The following MAJIN variants were observed in gnomAD, a reference collection of about 807,000 sequenced individuals.
The protein encoded by MAJIN is membrane-anchored junction protein.
In MAJIN, 27 loss-of-function variants were observed where a neutral mutation model predicts 30.2. The ratio of observed to expected loss-of-function variants is 0.89; its 90% CI spans 0.66 to 1.23. The LOEUF (loss-of-function observed/expected upper bound fraction) is 1.23, where lower values mean the gene tolerates loss of function less well. Ranked by LOEUF, MAJIN falls within the 50% of genes most tolerant of loss-of-function variation. The pLI, the probability that MAJIN is intolerant of heterozygous loss-of-function variation, is 0.00. For missense variants in MAJIN, 253 were observed against 260.3 expected (o/e 0.97, Z 0.19); for synonymous variants, 78 against 91.6 (o/e 0.85, Z 0.85).
chr11:64,959,550 G>A (rs1228556456), intron 2 of MAJIN, 128 bp from the exon 3 acceptor site: 25 of 647,846 alleles, frequency 3.9e-5, no homozygotes, highest in Non-Finnish European at 5.9e-5. Flanking sequence ...TACTGCCTAC[G>A]TACCAGGATC....
intron 3 of MAJIN, among the ~76,000 whole-genome samples, chr11:64,956,079 T>C (rs1237388608): frequency 6.6e-6 from 1 of 152,160 alleles, no homozygotes; most frequent in East Asian, 1.9e-4. Context: ...GGTGGGTGGA[T>C]TACCTGAGGT....
chr11:64,968,502 T>A (rs1341072070), intron 1 of MAJIN, among the ~76,000 whole-genome samples: 1 of 151,558 alleles, frequency 6.6e-6, no homozygotes, highest in Non-Finnish European at 1.5e-5. Flanking sequence ...GCTCAAGTGA[T>A]CTGCCCACCT....
intron 5 of MAJIN, 26 bp downstream of exon 5, chr11:64,950,329 C>CAAAAAAA (rs71049671): frequency 2.6e-5 from 32 of 1,219,236 alleles, no homozygotes; most frequent in Admixed American, 6.0e-5. Context: ...GACTCCATCT[C>CAAAAAAA]AAAAAAAAAA....
rs1554970962 is a variant in MAJIN, at chr11:64,948,602, CATATATATATATATATAT to C, written c.350-801_350-784del. On this transcript the variant is annotated intron_variant, in intron 6 of 10. Transcript: ENST00000301896. ...GCACCACCACCATGTCGGGCTACAT[CATATATATATATATATAT>C]ATATATATATATATATATATTTTTT... is the stretch of plus-strand genomic sequence containing the variant. Among the ~76,000 whole-genome samples, 23 of 19,416 alleles carry C rather than the reference CATATATATATATATATAT, an allele frequency of 1.2e-3. 1 individual carries two copies. The East Asian group carries it at 0.026, about 22-fold the overall frequency. 12.7% of individuals were successfully genotyped at this position (19,416 alleles called of 152,430 possible). A position where few individuals can be genotyped will look rare whatever the true frequency, so the allele number is the denominator to read the frequency against.
At chr11:64,947,588 CAAGT>C in intron 7 of MAJIN, 123 bp from the exon 8 acceptor site, 2 of 1,083,708 alleles carry the variant, frequency 1.8e-6, no homozygotes, top group Non-Finnish European at 2.8e-6. Context: ...ACCAGCTTTG[CAAGT>C]AAGAATAGAC....
intron 1 of MAJIN, among the ~76,000 whole-genome samples, chr11:64,966,145 G>GAAAAAGA (rs1945804661): frequency 1.8e-5 from 1 of 57,100 alleles, no homozygotes; most frequent in Non-Finnish European, 3.0e-5. Context: ...GATTAAAAAT[G>GAAAAAGA]AAAAAAAAAA....
chr11:64,962,576 A>G (rs1449586360), intron 1 of MAJIN, among the ~76,000 whole-genome samples: 2 of 152,184 alleles, frequency 1.3e-5, no homozygotes, highest in African/African-American at 4.8e-5. Context: ...ATAGTGCAAA[A>G]GACATAAGAT....
chr11:64,946,109 G>C, intron 8 of MAJIN: 1 of 1,535,258 alleles, frequency 6.5e-7, no homozygotes, highest in Non-Finnish European at 8.7e-7. Context: ...TTCCACAGGG[G>C]GCTTCTTTTT....
chr11:64,952,428 T>C (rs922822694), intron 4 of MAJIN, among the ~76,000 whole-genome samples: 4 of 152,102 alleles, frequency 2.6e-5, no homozygotes, highest in Non-Finnish European at 5.9e-5. Context: ...CCTCAGGTGA[T>C]CCACCCGCCT....
chr11:64,956,195 G>A (rs1419519718), intron 3 of MAJIN, among the ~76,000 whole-genome samples: 1 of 152,156 alleles, frequency 6.6e-6, no homozygotes, highest in Non-Finnish European at 1.5e-5. Flanking sequence ...AGCTACTTGG[G>A]AGGCTGAGGC....
intron 1 of MAJIN, among the ~76,000 whole-genome samples, chr11:64,968,317 C>T (rs1260653149): frequency 6.6e-6 from 1 of 152,098 alleles, no homozygotes; most frequent in Admixed American, 6.5e-5. Context: ...GGCGCCCAGG[C>T]TGGAGTATAG....
chr11:64,955,968 A>C (rs556279238), intron 3 of MAJIN, among the ~76,000 whole-genome samples: 1 of 152,284 alleles, frequency 6.6e-6, no homozygotes, highest in African/African-American at 2.4e-5. Flanking sequence ...GGAGTTCGAG[A>C]CCAGCCTGGC....
chr11:64,963,890 A>C (rs772986743), intron 1 of MAJIN, among the ~76,000 whole-genome samples: 2 of 152,156 alleles, frequency 1.3e-5, no homozygotes, highest in Non-Finnish European at 2.9e-5. Flanking sequence ...ATCTGATGCT[A>C]TGAATCCAAC....
At chr11:64,940,818 CT>C (rs1945363219) in intron 8 of MAJIN, among the ~76,000 whole-genome samples, 172 bp from the exon 9 acceptor site, 1 of 63,220 alleles carries the variant, frequency 1.6e-5, no homozygotes, top group Non-Finnish European at 3.8e-5. Flanking sequence ...GTCCTTTTTT[CT>C]TTTCTTTTTT....
chr11:64,939,134 A>AACCTCTAACTCG (rs1168237458), intron 10 of MAJIN, among the ~76,000 whole-genome samples: 2 of 152,030 alleles, frequency 1.3e-5, no homozygotes, highest in Non-Finnish European at 2.9e-5. Flanking sequence ...GGCTCACTGC[A>AACCTCTAACTCG]ACCTCTACCT....
chr11:64,948,971 C>G (rs1167309401), intron 6 of MAJIN, among the ~76,000 whole-genome samples: 2 of 148,916 alleles, frequency 1.3e-5, no homozygotes, highest in Non-Finnish European at 3.0e-5. Flanking sequence ...CTTTTCAAAT[C>G]AAAAGGGTAG....
At position 64,939,679 on chromosome 11, in the gene MAJIN, G is replaced by A. The variant is rs1269565324; in HGVS notation, c.635C>T (p.Ala212Val). Reference sequence around the variant, plus strand: ...TGTCTTACCTTAGAAACCCAAAGAAGCCGGTGGCTGCTCGCTCCTTAGGTG... The same window carrying A: ...TGTCTTACCTTAGAAACCCAAAGAAACCGGTGGCTGCTCGCTCCTTAGGTG... ...HLHLRSEQPPASLGF is the reference protein window; with the variant it reads ...HLHLRSEQPPVSLGF Residue 212 changes from alanine (A) to valine (V), a missense_variant, in exon 10 of 11, where the codon GCT (alanine) becomes GTT (valine). Physicochemically the swap from Ala to Val is moderately conservative, Grantham distance 64. Transcript: ENST00000301896. The A allele has an allele frequency of 1.2e-6, 2 of 1,613,854 alleles. No homozygotes were observed. The highest frequency in any genetic ancestry group is 1.7e-6 in the Non-Finnish European group (2 of 1,179,932).
chr11:64,948,647 T>A (rs1345610548), intron 6 of MAJIN, among the ~76,000 whole-genome samples: 189 of 36,292 alleles, frequency 5.2e-3, no homozygotes, highest in African/African-American at 9.1e-3. Flanking sequence ...ATATTTTTTT[T>A]TTTTTTTTTT....
At chr11:64,940,757 C>T (rs1945362029) in intron 8 of MAJIN, 111 bp from the exon 9 acceptor site, 1 of 877,934 alleles carries the variant, frequency 1.1e-6, no homozygotes, top group South Asian at 1.4e-5. Context: ...GGCCTGGCTT[C>T]TGACTGCCTA....
Sources: allele counts gnomAD v4.1 joint callset (sites outside exome capture counted in the v4.1 genomes callset), GRCh38; gene constraint gnomAD v4.1.1; transcripts MANE v1.5; gene names NCBI Gene and HGNC (gene_info 2026-07-23, HGNC 2026-07-21).